ADARB2: variants seen among roughly 807,000 people sequenced by gnomAD.
ADARB2 encodes adenosine deaminase RNA specific B2 (inactive), also known as inactive double-stranded RNA-specific editase B2.
Under a neutral mutation model 62.2 loss-of-function variants are expected in ADARB2, and 25 were observed. The ratio of observed to expected loss-of-function variants is 0.40; its 90% confidence interval spans 0.29 to 0.56. ADARB2 has a LOEUF of 0.56. ADARB2 is among the 20% of genes least tolerant of loss of function. ADARB2 has a pLI of 0.43. For synonymous variants in ADARB2, 572 were observed against 500.8 expected (o/e 1.14, Z -1.90); for missense variants, 1,071 against 1,077.4 (o/e 0.99, Z 0.08).
At position 1,566,117 on chromosome 10, in the gene ADARB2, T is replaced by C. The variant is rs909609742; in HGVS notation, c.100+170934A>G. On this transcript the variant is annotated intron_variant, in intron 1 of 9. Transcript: ENST00000381312. ...AAAAAAAAAAAAAAAAAAACTCCCC[T>C]GTGTACAGTGAGTGTGTGTGTATCT... Among the ~76,000 whole-genome samples, 6 of 145,370 alleles carry C rather than the reference T, an allele frequency of 4.1e-5. No homozygotes were observed. In the East Asian group the frequency reaches 8.5e-4, roughly 20 times the overall value.
intron 1 of ADARB2, among the ~76,000 whole-genome samples, chr10:1,473,587 A>C (rs1831356302): frequency 1.3e-5 from 2 of 151,996 alleles, no homozygotes; most frequent in African/African-American, 4.8e-5. Context: ...TCACCATGTT[A>C]CCTAGGCTGC....
intron 2 of ADARB2, among the ~76,000 whole-genome samples, chr10:1,374,449 T>C (rs1296571260): frequency 6.6e-6 from 1 of 152,186 alleles, no homozygotes; most frequent in Non-Finnish European, 1.5e-5. Flanking sequence ...AAGGACAGCA[T>C]CTGGGGGAGA....
intron 4 of ADARB2, among the ~76,000 whole-genome samples, chr10:1,244,642 C>T (rs1280325924): frequency 6.6e-6 from 1 of 152,214 alleles, no homozygotes; most frequent in Non-Finnish European, 1.5e-5. Flanking sequence ...GACGCGAAGC[C>T]TGGACCGAGG....
chr10:1,578,700 T>C (rs1475716020), intron 1 of ADARB2, among the ~76,000 whole-genome samples: 1 of 151,980 alleles, frequency 6.6e-6, no homozygotes, highest in Non-Finnish European at 1.5e-5. Flanking sequence ...TGCACACACA[T>C]GCTCATGCAC....
chr10:1,352,716 C>G (rs1452155932), intron 3 of ADARB2, among the ~76,000 whole-genome samples: 1 of 152,196 alleles, frequency 6.6e-6, no homozygotes, highest in Non-Finnish European at 1.5e-5. Flanking sequence ...ATACTTTCTG[C>G]TCCCCGGCTT....
At chr10:1,512,332 T>G (rs915341516) in intron 1 of ADARB2, among the ~76,000 whole-genome samples, 2 of 151,964 alleles carry the variant, frequency 1.3e-5, no homozygotes, top group African/African-American at 4.8e-5. Context: ...GATGCTGCTA[T>G]GCTGGATACC....
intron 1 of ADARB2, among the ~76,000 whole-genome samples, chr10:1,415,013 G>GGATAGATGGAT (rs1832790314): frequency 6.6e-6 from 1 of 151,354 alleles, no homozygotes; most frequent in Admixed American, 6.6e-5. Context: ...ATGGATGGAT[G>GGATAGATGGAT]GATAGATGGA....
chr10:1,453,811 C>G (rs1024539325), intron 1 of ADARB2, among the ~76,000 whole-genome samples: 3 of 152,124 alleles, frequency 2.0e-5, no homozygotes, highest in African/African-American at 4.8e-5. Flanking sequence ...CCGCCTCATA[C>G]CCACTGGAAT....
intron 1 of ADARB2, among the ~76,000 whole-genome samples, chr10:1,421,688 C>T (rs552208693): frequency 4.6e-5 from 7 of 152,086 alleles, no homozygotes; most frequent in Admixed American, 1.3e-4. Flanking sequence ...GGAGAGTCCA[C>T]GCTGTTAGTG....
chr10:1,729,842 C>T (rs749036679), intron 1 of ADARB2, among the ~76,000 whole-genome samples: 8 of 152,198 alleles, frequency 5.3e-5, no homozygotes, highest in Non-Finnish European at 7.3e-5. Flanking sequence ...TTTAATACCA[C>T]CTTTGAGAAG....
At chr10:1,736,927 C>A in intron 1 of ADARB2, 124 bp downstream of exon 1, 1 of 956,082 alleles carries the variant, frequency 1.0e-6, no homozygotes, top group Admixed American at 2.1e-5. Flanking sequence ...ACGGAGCAGC[C>A]ATCCCGCCAG....
intron 1 of ADARB2, among the ~76,000 whole-genome samples, chr10:1,690,501 G>A (rs1037262726): frequency 6.6e-6 from 1 of 152,166 alleles, no homozygotes; most frequent in Non-Finnish European, 1.5e-5. Flanking sequence ...ATGATGCAGT[G>A]ACAGGCATCA....
chr10:1,299,825 C>T (rs1347495506), intron 3 of ADARB2, among the ~76,000 whole-genome samples: 1 of 152,238 alleles, frequency 6.6e-6, no homozygotes, highest in African/African-American at 2.4e-5. Flanking sequence ...AGTCTGGTCC[C>T]CTGTGCTTCC....
intron 1 of ADARB2, among the ~76,000 whole-genome samples, chr10:1,660,454 G>A (rs531889294): frequency 6.6e-6 from 1 of 152,330 alleles, no homozygotes; most frequent in African/African-American, 2.4e-5. Context: ...AACTGGGGTG[G>A]AATGGTGGCC....
chr10:1,289,202 T>C (rs967144801), intron 3 of ADARB2, among the ~76,000 whole-genome samples: 5 of 152,178 alleles, frequency 3.3e-5, no homozygotes, highest in Non-Finnish European at 7.3e-5. Context: ...CAATTGCCAA[T>C]CAGAAAAATG....
At chr10:1,539,657 G>A (rs548897083) in intron 1 of ADARB2, among the ~76,000 whole-genome samples, 1 of 152,294 alleles carries the variant, frequency 6.6e-6, no homozygotes, top group East Asian at 1.9e-4. Context: ...AATTTAAAGC[G>A]GCATGCTCCT....
intron 3 of ADARB2, among the ~76,000 whole-genome samples, chr10:1,313,501 G>T (rs946836105): frequency 3.3e-5 from 5 of 152,200 alleles, no homozygotes; most frequent in African/African-American, 1.2e-4. Flanking sequence ...TCCCTTTCAA[G>T]TGTGGGCCAA....
chr10:1,555,041 G>T (rs1360660048), intron 1 of ADARB2, among the ~76,000 whole-genome samples: 1 of 152,102 alleles, frequency 6.6e-6, no homozygotes, highest in African/African-American at 2.4e-5. Context: ...CCATGTTTTG[G>T]CAAAGGACAC....
At chr10:1,372,081 A>G (rs768672032) in intron 2 of ADARB2, among the ~76,000 whole-genome samples, 8 of 152,228 alleles carry the variant, frequency 5.3e-5, no homozygotes, top group Non-Finnish European at 1.2e-4. Flanking sequence ...TCAACAGTGG[A>G]TGAATAAAGA....
Sources: gnomAD v4.1 joint callset for allele counts (sites outside exome capture counted in the v4.1 genomes callset) on GRCh38, gnomAD v4.1.1 for gene constraint, MANE v1.5 for transcripts, NCBI Gene and HGNC (gene_info 2026-07-23, HGNC 2026-07-21) for gene names.